NEBL: variants seen among roughly 807,000 people sequenced by gnomAD.
The protein encoded by NEBL is LIM and SH3 protein 2.
A neutral mutation model predicts 140.2 loss-of-function variants in NEBL; 122 were observed. The observed-to-expected ratio is 0.87, with a 90% confidence interval of 0.75 to 1.01. NEBL has a LOEUF of 1.01. NEBL is among the 50% of genes least tolerant of loss of function. The probability of loss-of-function intolerance (pLI) is 0.00; values close to 1 mark genes in which losing one functional copy is unlikely to be tolerated. For missense variants in NEBL, 1,365 were observed against 1,231.3 expected, an observed-to-expected ratio of 1.11 and a Z score of -1.62; for synonymous variants, 436 against 398.9, an observed-to-expected ratio of 1.09 and a Z score of -1.11.
chr10:21,017,687 C>G (rs941158073), intron 3 of NEBL, among the ~76,000 whole-genome samples: 1 of 152,122 alleles, frequency 6.6e-6, no homozygotes, highest in African/African-American at 2.4e-5. Flanking sequence ...ACTAACTGAG[C>G]CCAAAGTGTG....
intron 1 of NEBL, among the ~76,000 whole-genome samples, chr10:21,265,207 GC>G (rs1842784933): frequency 6.6e-6 from 1 of 152,144 alleles, no homozygotes; most frequent in African/African-American, 2.4e-5. Context: ...ACAGGTGTGA[GC>G]CACCGCACCT....
chr10:21,055,971 G>T (rs369551975), intron 2 of NEBL, among the ~76,000 whole-genome samples: 1 of 152,172 alleles, frequency 6.6e-6, no homozygotes. Flanking sequence ...TTGTCCTGAG[G>T]CTTTAGTTGT....
chr10:21,263,141 G>T (rs1842760532), intron 1 of NEBL, among the ~76,000 whole-genome samples: 2 of 152,140 alleles, frequency 1.3e-5, no homozygotes, highest in Admixed American at 1.3e-4. Flanking sequence ...ATTATGTTCT[G>T]GGCATTGTTC....
chr10:20,925,540 T>C (rs1047055384), intron 4 of NEBL, among the ~76,000 whole-genome samples: 6 of 152,134 alleles, frequency 3.9e-5, no homozygotes, highest in African/African-American at 1.2e-4. Context: ...CACCAATAAA[T>C]ACACTCACCT....
intron 4 of NEBL, among the ~76,000 whole-genome samples, chr10:20,955,812 T>G (rs1012511141): frequency 6.6e-6 from 1 of 151,492 alleles, no homozygotes. Context: ...GATAATGGCC[T>G]GAACACAGTG....
In NEBL at chr10:20,974,407, C is replaced by T. The variant is rs137912499; in HGVS notation, c.250-12628G>A. Among the ~76,000 whole-genome samples, 106 of 152,050 alleles carry T rather than the reference C, an allele frequency of 7.0e-4. 1 individual carries two copies. Among genetic ancestry groups the T allele is most frequent in the African/African-American group, 2.4e-3 (98 of 41,484 alleles). ...TACTTGGGACTACAGGCATGCTCCACCACATCCAGCTAATTTTTGTATTTT... is the reference window on the plus strand; with the variant it reads ...TACTTGGGACTACAGGCATGCTCCATCACATCCAGCTAATTTTTGTATTTT... On this transcript the variant is annotated intron_variant, in intron 3 of 6. Coordinates refer to the NEBL transcript ENST00000417816.
At chr10:21,046,632 A>T (rs1434937832) in intron 2 of NEBL, among the ~76,000 whole-genome samples, 1 of 151,820 alleles carries the variant, frequency 6.6e-6, no homozygotes, top group East Asian at 1.9e-4. Context: ...ACGGAGTGTG[A>T]CTCTGTCGCC....
At position 21,095,865 on chromosome 10, in the gene NEBL, G is replaced by A. The variant is rs550601725; in HGVS notation, c.165-75664C>T. 3.9e-5 allele frequency among the ~76,000 whole-genome samples: 6 copies of A among 152,234 alleles called. No homozygotes were observed. In the South Asian group the frequency reaches 1.0e-3, roughly 26 times the overall value. On this transcript the variant is annotated intron_variant, in intron 2 of 6. Transcript: ENST00000417816. ...CTCTTAGTACTGTTCAAAAGATGAC[G>A]GAACTAGAATGTAAGAAAACCTGGG... is the stretch of plus-strand genomic sequence containing the variant.
chr10:21,177,500 TA>T (rs1841321102), upstream of NEBL, among the ~76,000 whole-genome samples: 1 of 152,086 alleles, frequency 6.6e-6, no homozygotes, highest in Non-Finnish European at 1.5e-5. Flanking sequence ...CTAATGAATT[TA>T]CATAAAAGAT....
intron 1 of NEBL, among the ~76,000 whole-genome samples, chr10:21,254,929 GT>G (rs34132898): frequency 0.21 from 31,627 of 152,130 alleles, 3,936 homozygotes; most frequent in African/African-American, 0.34. Context: ...GTGGCTGGCT[GT>G]TGAGGTCCAA....
At chr10:21,253,927 G>A (rs1323105148) in intron 1 of NEBL, among the ~76,000 whole-genome samples, 1 of 152,126 alleles carries the variant, frequency 6.6e-6, no homozygotes, top group East Asian at 1.9e-4. Flanking sequence ...AGAAACTTCA[G>A]AGAGTTTTAA....
chr10:20,826,786 T>A (rs919268467), intron 17 of NEBL, among the ~76,000 whole-genome samples: 5 of 152,224 alleles, frequency 3.3e-5, no homozygotes, highest in Admixed American at 2.0e-4. Context: ...CATGGCTGAC[T>A]GCAGATTATT....
intron 2 of NEBL, among the ~76,000 whole-genome samples, chr10:21,090,453 G>T (rs919992448): frequency 2.2e-4 from 34 of 152,180 alleles, no homozygotes; most frequent in African/African-American, 6.8e-4. Flanking sequence ...GTGATTTAAA[G>T]TATACAGGAG....
intron 2 of NEBL, among the ~76,000 whole-genome samples, chr10:21,135,403 A>G (rs774318193): frequency 6.6e-6 from 1 of 151,982 alleles, no homozygotes; most frequent in Non-Finnish European, 1.5e-5. Flanking sequence ...GTCTCAGTGA[A>G]CTTACATGCT....
At chr10:21,290,653 T>C (rs1350135697) in intron 1 of NEBL, among the ~76,000 whole-genome samples, 3 of 152,214 alleles carry the variant, frequency 2.0e-5, no homozygotes, top group East Asian at 1.9e-4. Context: ...ATCTACATAA[T>C]AAGACAACCT....
chr10:21,277,923 C>A (rs1842944644), intron 1 of NEBL, among the ~76,000 whole-genome samples: 1 of 152,136 alleles, frequency 6.6e-6, no homozygotes, highest in African/African-American at 2.4e-5. Flanking sequence ...TGTTTGTAAA[C>A]TGGGAGTAAT....
At chr10:20,898,806 C>G (rs574057351), upstream of NEBL, among the ~76,000 whole-genome samples, 5 of 152,124 alleles carry the variant, frequency 3.3e-5, no homozygotes, top group South Asian at 1.0e-3. Context: ...ATCTACCTAT[C>G]TTTTTTTTAA....
intron 4 of NEBL, chr10:20,961,647 T>C (rs759538570): frequency 6.8e-7 from 1 of 1,466,270 alleles, no homozygotes; most frequent in Non-Finnish European, 9.6e-7. Flanking sequence ...AGAGCCATCA[T>C]GCTATTGAAT....
chr10:21,157,179 C>T (rs912269741), intron 2 of NEBL, among the ~76,000 whole-genome samples: 1 of 151,988 alleles, frequency 6.6e-6, no homozygotes, highest in Non-Finnish European at 1.5e-5. Context: ...CTGTGGTCAA[C>T]TCGTAATTCA....
Sources: allele counts gnomAD v4.1 joint callset (sites outside exome capture counted in the v4.1 genomes callset), GRCh38; gene constraint gnomAD v4.1.1; transcripts MANE v1.5; gene names NCBI Gene and HGNC (gene_info 2026-07-23, HGNC 2026-07-21).